PRKG2: variants seen among roughly 807,000 people sequenced by gnomAD.
PRKG2 encodes protein kinase cGMP-dependent 2, also known as cGMP-dependent protein kinase 2.
Under a neutral mutation model 97.2 loss-of-function variants are expected in PRKG2, and 33 were observed. The observed-to-expected ratio is 0.34, with a 90% confidence interval of 0.26 to 0.45. PRKG2 has a LOEUF of 0.45. Among genes scored for constraint, PRKG2 ranks in the 20% least tolerant of loss-of-function variants. PRKG2 has a pLI of 1.00. For missense variants in PRKG2, 638 were observed against 900.0 expected, an observed-to-expected ratio of 0.71 and a Z score of 3.73; for synonymous variants, 330 against 321.8, an observed-to-expected ratio of 1.03 and a Z score of -0.27.
At chr4:81,123,839 T>C (rs2110007212) in intron 14 of PRKG2, among the ~76,000 whole-genome samples, 1 of 152,362 alleles carries the variant, frequency 6.6e-6, no homozygotes, top group South Asian at 2.1e-4. Flanking sequence ...CTGTTTCCTT[T>C]GCGGCCTTCT....
chr4:81,088,755 T>C lies in PRKG2; in HGVS notation c.*953A>G, dbSNP rs1349470614. On this transcript the variant is annotated 3_prime_UTR_variant, in exon 19 of 19. Transcript: ENST00000264399. ...GATTTATATTAAAAATTAACGATGA[T>C]TCTATACAATTTTGGTTTATTAATA... is the stretch of plus-strand genomic sequence containing the variant. The C allele has an allele frequency of 2.0e-5, 3 of 152,194 alleles. No individual in the cohort carries two copies. The highest frequency in any genetic ancestry group is 1.3e-4 in the Admixed American group (2 of 15,278). 9.4% of individuals were successfully genotyped at this position (152,194 alleles called of 1,614,324 possible). A position where few individuals can be genotyped will look rare whatever the true frequency, so the allele number is the denominator to read the frequency against.
intron 14 of PRKG2, among the ~76,000 whole-genome samples, chr4:81,128,821 T>G (rs955117822): frequency 8.5e-5 from 13 of 152,208 alleles, no homozygotes; most frequent in African/African-American, 3.1e-4. Flanking sequence ...TGTCTCTATC[T>G]TCTTCAGTTC....
chr4:81,153,522 G>A, intron 7 of PRKG2, 122 bp downstream of exon 7: 1 of 708,922 alleles, frequency 1.4e-6, no homozygotes, highest in Non-Finnish European at 2.3e-6. Context: ...GACTCTACTG[G>A]TAGAAGCTCC....
At chr4:81,200,473 C>T (rs573279296) in intron 2 of PRKG2, among the ~76,000 whole-genome samples, 1 of 152,280 alleles carries the variant, frequency 6.6e-6, no homozygotes, top group South Asian at 2.1e-4. Context: ...GGAAGCACCA[C>T]CACTCTTACT....
chr4:81,150,967 T>C (rs191727934), intron 8 of PRKG2, among the ~76,000 whole-genome samples: 1 of 152,128 alleles, frequency 6.6e-6, no homozygotes, highest in African/African-American at 2.4e-5. Context: ...TGCTACATAA[T>C]AGCTAAAACT....
intron 6 of PRKG2, among the ~76,000 whole-genome samples, chr4:81,160,328 T>C (rs1388479477): frequency 6.6e-6 from 1 of 152,178 alleles, no homozygotes; most frequent in Non-Finnish European, 1.5e-5. Flanking sequence ...TTTTGCTTTA[T>C]TATCTGCACT....
At chr4:81,198,864 G>A (rs911475590) in intron 2 of PRKG2, among the ~76,000 whole-genome samples, 17 of 152,236 alleles carry the variant, frequency 1.1e-4, no homozygotes, top group African/African-American at 3.4e-4. Flanking sequence ...CATGCACATT[G>A]TCTATCACTA....
At chr4:81,216,298 A>G (rs1754269888), upstream of PRKG2, among the ~76,000 whole-genome samples, 1 of 152,172 alleles carries the variant, frequency 6.6e-6, no homozygotes, top group South Asian at 2.1e-4. Context: ...AACTGGAGGA[A>G]AATCGCGAAA....
chr4:81,206,779 A>C (rs1349063159), intron 1 of PRKG2, among the ~76,000 whole-genome samples: 1 of 152,210 alleles, frequency 6.6e-6, no homozygotes, highest in Non-Finnish European at 1.5e-5. Flanking sequence ...TGTGACCTCT[A>C]CAACAACAAA....
intron 12 of PRKG2, among the ~76,000 whole-genome samples, chr4:81,139,835 T>C (rs1037768631): frequency 2.4e-4 from 36 of 150,274 alleles, no homozygotes; most frequent in Non-Finnish European, 5.9e-5. Flanking sequence ...TGACCCCAGA[T>C]CTCAAACTTC....
chr4:81,109,992 T>A (rs964494487), intron 15 of PRKG2, among the ~76,000 whole-genome samples: 1 of 152,200 alleles, frequency 6.6e-6, no homozygotes, highest in African/African-American at 2.4e-5. Context: ...GAAATGGTGC[T>A]TTGTTCTAGC....
rs753286504 is a variant in PRKG2, at chr4:81,088,555, G to T, written c.*1153C>A. 1.3e-5 allele frequency: 2 copies of T among 152,086 alleles called. No homozygotes were observed. Among genetic ancestry groups the T allele is most frequent in the African/African-American group, 2.4e-5 (1 of 41,418 alleles). 9.4% of individuals were successfully genotyped at this position (152,086 alleles called of 1,614,324 possible). On this transcript the variant is annotated 3_prime_UTR_variant, in exon 19 of 19. Coordinates refer to ENST00000264399, the MANE Select transcript of PRKG2 (RefSeq NM_006259.3). ...TATCCTACTTATTATTTGGGAGAGT[G>T]CAAGGAAGGGATAGGAGGGATGCTG...
At chr4:81,151,561 A>G (rs1309425032) in intron 8 of PRKG2, among the ~76,000 whole-genome samples, 2 of 152,108 alleles carry the variant, frequency 1.3e-5, no homozygotes, top group Non-Finnish European at 2.9e-5. Context: ...TGACCTGATG[A>G]TTTAAAAGCA....
At chr4:81,119,019 A>G (rs1402468960) in intron 14 of PRKG2, among the ~76,000 whole-genome samples, 1 of 151,662 alleles carries the variant, frequency 6.6e-6, no homozygotes, top group Admixed American at 6.6e-5. Flanking sequence ...CTGCTCTCAA[A>G]CTCCTGAGCT....
At chr4:81,169,463 G>T (rs1457499536) in intron 5 of PRKG2, among the ~76,000 whole-genome samples, 200 bp downstream of exon 5, 2 of 152,040 alleles carry the variant, frequency 1.3e-5, no homozygotes, top group African/African-American at 4.8e-5. Context: ...AGAAATAAAT[G>T]AGTATACAAG....
intron 2 of PRKG2, among the ~76,000 whole-genome samples, chr4:81,184,930 C>T (rs564883116): frequency 6.6e-6 from 1 of 151,810 alleles, no homozygotes; most frequent in South Asian, 2.1e-4. Context: ...AGAGTGAATA[C>T]AAAGTAAGAG....
chr4:81,181,872 A>C (rs1751443949), intron 2 of PRKG2, among the ~76,000 whole-genome samples: 1 of 151,978 alleles, frequency 6.6e-6, no homozygotes, highest in Non-Finnish European at 1.5e-5. Context: ...CAAGTATGGA[A>C]AATTGTGATG....
intron 6 of PRKG2, among the ~76,000 whole-genome samples, chr4:81,156,983 A>G (rs1749159542): frequency 6.6e-6 from 1 of 152,192 alleles, no homozygotes; most frequent in Non-Finnish European, 1.5e-5. Flanking sequence ...AGCAGGAAAG[A>G]TCCAAAATTG....
chr4:81,147,072 T>C (rs79904231), intron 9 of PRKG2, among the ~76,000 whole-genome samples: 14,486 of 152,224 alleles, frequency 0.095, 917 homozygotes, highest in Middle Eastern at 0.2. Flanking sequence ...CAATACTTTG[T>C]ATATTGCAGA....
Sources: gnomAD v4.1 joint callset for allele counts (sites outside exome capture counted in the v4.1 genomes callset) on GRCh38, gnomAD v4.1.1 for gene constraint, MANE v1.5 for transcripts, NCBI Gene and HGNC (gene_info 2026-07-23, HGNC 2026-07-21) for gene names.